The following ARHGAP26 variants were observed in gnomAD, a reference collection of about 807,000 sequenced individuals.
ARHGAP26 encodes rho GTPase-activating protein 26.
Under a neutral mutation model 104.8 loss-of-function variants are expected in ARHGAP26, and 38 were observed. The observed-to-expected ratio is 0.36, with a 90% CI of 0.28 to 0.48. The LOEUF (loss-of-function observed/expected upper bound fraction) is 0.48. ARHGAP26 is among the 20% of genes least tolerant of loss of function. The pLI, the probability that ARHGAP26 is intolerant of heterozygous loss-of-function variation, is 0.99. For synonymous variants in ARHGAP26, 341 were observed against 340.0 expected (o/e 1.00, Z -0.03); for missense variants, 704 against 947.9 (o/e 0.74, Z 3.38).
chr5:143,023,655 C>T lies in ARHGAP26; in HGVS notation c.1144+9539C>T, dbSNP rs115857047. On this transcript the variant is annotated intron_variant, in intron 12 of 22. Coordinates refer to ENST00000645722, the MANE Select transcript of ARHGAP26 (RefSeq NM_001135608.3). ...GAACCATCCAGAGGCTGCCAGGCCT[C>T]TGCTGGTCGGTGGCTTATAAATAGA... is the stretch of plus-strand genomic sequence containing the variant. Among the ~76,000 whole-genome samples the T allele has an allele frequency of 5.2e-3, 792 of 152,312 alleles. 1 individual carries two copies. The highest frequency in any genetic ancestry group is 0.018 in the African/African-American group (760 of 41,564).
intron 10 of ARHGAP26, among the ~76,000 whole-genome samples, chr5:142,915,131 C>T (rs192881369): frequency 9.9e-5 from 15 of 152,278 alleles, no homozygotes; most frequent in African/African-American, 3.1e-4. Flanking sequence ...TGTGGCACCT[C>T]CATCTTATTT....
intron 17 of ARHGAP26, among the ~76,000 whole-genome samples, chr5:143,115,975 A>C (rs1319650166): frequency 1.3e-5 from 2 of 149,306 alleles, no homozygotes; most frequent in Admixed American, 1.4e-4. Flanking sequence ...GGCTCATGAA[A>C]ACAATTTATT....
intron 1 of ARHGAP26, among the ~76,000 whole-genome samples, chr5:142,807,333 C>T (rs1203419556): frequency 1.3e-5 from 2 of 152,182 alleles, no homozygotes; most frequent in Non-Finnish European, 2.9e-5. Flanking sequence ...ATGTAGAGCC[C>T]ATTGCCAGAA....
chr5:142,836,976 T>G (rs1021173072), intron 1 of ARHGAP26, among the ~76,000 whole-genome samples: 1 of 152,228 alleles, frequency 6.6e-6, no homozygotes, highest in Non-Finnish European at 1.5e-5. Flanking sequence ...AATCCTGTTT[T>G]TTCCTGGGTG....
chr5:143,044,717 A>G (rs934918356), intron 14 of ARHGAP26, among the ~76,000 whole-genome samples: 2 of 152,196 alleles, frequency 1.3e-5, no homozygotes, highest in African/African-American at 4.8e-5. Flanking sequence ...TATATCTAAT[A>G]CAGATGTAAC....
intron 1 of ARHGAP26, among the ~76,000 whole-genome samples, chr5:142,851,315 T>C (rs1751480793): frequency 6.6e-6 from 1 of 152,206 alleles, no homozygotes; most frequent in African/African-American, 2.4e-5. Context: ...CAGGCTGGTC[T>C]TGAACTCCTG....
At chr5:143,157,172 CTTTTTTT>C (rs56740224) in intron 20 of ARHGAP26, among the ~76,000 whole-genome samples, 6 of 141,280 alleles carry the variant, frequency 4.2e-5, no homozygotes, top group African/African-American at 1.1e-4. Flanking sequence ...CACATTCTTT[CTTTTTTT>C]TTTTTTTTTT....
chr5:143,138,062 G>A (rs1798094998), intron 19 of ARHGAP26, among the ~76,000 whole-genome samples: 2 of 152,196 alleles, frequency 1.3e-5, no homozygotes, highest in South Asian at 4.1e-4. Flanking sequence ...CCTACAGTGT[G>A]AGTAGACCAG....
At chr5:143,044,403 G>T (rs149947103) in intron 14 of ARHGAP26, among the ~76,000 whole-genome samples, 66 of 152,302 alleles carry the variant, frequency 4.3e-4, no homozygotes, top group African/African-American at 1.4e-3. Flanking sequence ...AGTCCTTGGA[G>T]CCTGTGGTCA....
intron 1 of ARHGAP26, among the ~76,000 whole-genome samples, chr5:142,798,359 C>T (rs1305890114): frequency 6.6e-6 from 1 of 152,184 alleles, no homozygotes; most frequent in East Asian, 1.9e-4. Flanking sequence ...CTCCGCTTCC[C>T]TTCACCTCTT....
At chr5:142,978,040 C>T (rs932445942) in intron 11 of ARHGAP26, among the ~76,000 whole-genome samples, 8 of 152,180 alleles carry the variant, frequency 5.3e-5, no homozygotes, top group African/African-American at 1.4e-4. Context: ...TTCAGTGATC[C>T]GACATCTTGA....
intron 20 of ARHGAP26, among the ~76,000 whole-genome samples, chr5:143,148,481 A>G (rs1023557090): frequency 1.3e-5 from 2 of 152,228 alleles, no homozygotes; most frequent in African/African-American, 4.8e-5. Context: ...AAATGTGACT[A>G]TACTGTAGGA....
At chr5:142,928,434 C>G (rs1003323709) in intron 10 of ARHGAP26, among the ~76,000 whole-genome samples, 2 of 152,102 alleles carry the variant, frequency 1.3e-5, no homozygotes, top group Non-Finnish European at 2.9e-5. Context: ...TTACAGAGCT[C>G]TTTATCATTC....
chr5:143,153,741 A>C (rs757926036), intron 20 of ARHGAP26, among the ~76,000 whole-genome samples: 3 of 152,216 alleles, frequency 2.0e-5, no homozygotes, highest in Non-Finnish European at 2.9e-5. Context: ...CTAACTGCTC[A>C]GTAGCCTCAT....
intron 4 of ARHGAP26, among the ~76,000 whole-genome samples, chr5:142,882,063 G>C (rs1028163700): frequency 6.6e-6 from 1 of 152,138 alleles, no homozygotes; most frequent in Admixed American, 6.5e-5. Context: ...ATTTTTTCCT[G>C]TATTAGAGGT....
Position 143,154,846 on chromosome 5 carries a change from C to A in ARHGAP26, c.1988+7465C>A, listed in dbSNP as rs184283258. Among the ~76,000 whole-genome samples, 5 of 152,210 alleles carry A rather than the reference C, an allele frequency of 3.3e-5. No homozygotes were observed. The East Asian group carries it at 9.7e-4, about 29-fold the overall frequency. ...AATATGCATTAGACAAGTGATAATT[C>A]ATAGCATTTTTTTTTTTAAAAAGCA... On this transcript the variant is annotated intron_variant, in intron 20 of 22. Coordinates refer to ENST00000645722, the MANE Select transcript of ARHGAP26 (RefSeq NM_001135608.3).
chr5:143,217,382 G>T (rs1052705743), intron 22 of ARHGAP26, among the ~76,000 whole-genome samples: 1 of 152,130 alleles, frequency 6.6e-6, no homozygotes, highest in Non-Finnish European at 1.5e-5. Context: ...AATCTACTGG[G>T]AAACTGTCCA....
intron 9 of ARHGAP26, among the ~76,000 whole-genome samples, chr5:142,909,756 T>C (rs776374143): frequency 3.3e-5 from 5 of 152,250 alleles, no homozygotes; most frequent in African/African-American, 4.8e-5. Flanking sequence ...GTGCCTGCTT[T>C]CCTTGGATTG....
At chr5:142,957,005 T>C (rs1769362838) in intron 11 of ARHGAP26, among the ~76,000 whole-genome samples, 1 of 152,194 alleles carries the variant, frequency 6.6e-6, no homozygotes, top group African/African-American at 2.4e-5. Context: ...AGTTGAGATT[T>C]GGGTGGAGAT....
Sources: allele counts gnomAD v4.1 joint callset (sites outside exome capture counted in the v4.1 genomes callset), GRCh38; gene constraint gnomAD v4.1.1; transcripts MANE v1.5; gene names NCBI Gene and HGNC (gene_info 2026-07-23, HGNC 2026-07-21).